The following GLS variants were observed in gnomAD, a reference collection of about 807,000 sequenced individuals.
The protein encoded by GLS is glutaminase, also known as glutaminase kidney isoform, mitochondrial.
Under a neutral mutation model 86.7 loss-of-function variants are expected in GLS, and 36 were observed. That is an observed-to-expected ratio of 0.42 (90% CI 0.32 to 0.55). The LOEUF (loss-of-function observed/expected upper bound fraction) is 0.55, where lower values mean the gene tolerates loss of function less well. Among genes scored for constraint, GLS ranks in the 20% least tolerant of loss-of-function variants. The pLI is 0.17. For missense variants in GLS, 528 were observed against 833.4 expected (o/e 0.63, Z 4.51); for synonymous variants, 317 against 305.9 (o/e 1.04, Z -0.38).
chr2:190,897,847 A>G lies in GLS; in HGVS notation c.605+2122A>G, dbSNP rs1477229080. On this transcript the variant is annotated intron_variant, in intron 3 of 17. Coordinates refer to ENST00000320717, the MANE Select transcript of GLS (RefSeq NM_014905.5). This position sits in a 1 kb window ranked among gnomAD's most constrained non-coding sequence, Gnocchi z 4.3. ...TGTGTTAATATTTTACCTAAAATAC[A>G]TTGTAGATTAATATTTTTAGACTTT... Among the ~76,000 whole-genome samples the G allele has an allele frequency of 7.2e-5, 11 of 152,222 alleles. No individual in the cohort carries two copies. Among genetic ancestry groups the G allele is most frequent in the East Asian group, 1.9e-4 (1 of 5,196 alleles).
intron 9 of GLS, among the ~76,000 whole-genome samples, chr2:190,923,029 A>G (rs1689794248): frequency 6.6e-6 from 1 of 152,172 alleles, no homozygotes; most frequent in Non-Finnish European, 1.5e-5. Context: ...AGGTTGGAAG[A>G]TTATCCAACT....
At position 190,902,112 on chromosome 2, in the gene GLS, T is replaced by C. The variant is rs1268486666; in HGVS notation, c.815+86T>C. 2.2e-5 allele frequency: 17 copies of C among 773,130 alleles called. No individual in the cohort carries two copies. The East Asian group carries it at 3.2e-4, about 15-fold the overall frequency. The allele number at this position is 773,130 out of a possible 1,614,324, so 47.9% of individuals were successfully genotyped here. On this transcript the variant is annotated intron_variant, in intron 5 of 17. Coordinates refer to ENST00000320717, the MANE Select transcript of GLS (RefSeq NM_014905.5). ...GAATGACATGGAGAAGATCATCTTTTATAATGGAAATTAGTCCTAACAGGA... is the reference window on the plus strand; with the variant it reads ...GAATGACATGGAGAAGATCATCTTTCATAATGGAAATTAGTCCTAACAGGA...
chr2:190,916,375 G>T (rs1689534771), intron 7 of GLS, among the ~76,000 whole-genome samples: 1 of 151,966 alleles, frequency 6.6e-6, no homozygotes. Flanking sequence ...TAAAGATAAT[G>T]GATTTTTTAT....
intron 6 of GLS, among the ~76,000 whole-genome samples, chr2:190,908,721 TGG>T (rs1689248342): frequency 6.6e-6 from 1 of 152,214 alleles, no homozygotes; most frequent in South Asian, 2.1e-4. Flanking sequence ...GTTAGGCTGG[TGG>T]TGTGTTACAT....
intron 17 of GLS, among the ~76,000 whole-genome samples, chr2:190,958,199 C>T (rs1389829199): frequency 6.6e-6 from 1 of 152,180 alleles, no homozygotes; most frequent in Non-Finnish European, 1.5e-5. Context: ...TCAATTTCTT[C>T]TAGATTTTCT....
At chr2:190,952,773 T>C (rs1159767233) in intron 14 of GLS, among the ~76,000 whole-genome samples, 1 of 152,228 alleles carries the variant, frequency 6.6e-6, no homozygotes, top group South Asian at 2.1e-4. Context: ...TTACAAATAT[T>C]CTATGGTCAA....
rs372464166 is a variant in GLS, at chr2:190,905,204, G to A, written c.979+37G>A. On this transcript the variant is annotated intron_variant, in intron 6 of 17. Transcript: ENST00000320717. The surrounding 1 kb of genome is among the most constrained non-coding windows in gnomAD (Gnocchi z 4.6). ...ATAAACATTGGTTGAAAAAAGAAAT[G>A]TCTCATTTTCCTATGTAAATCTAAG... 5 of 1,263,718 alleles carry A rather than the reference G, an allele frequency of 4.0e-6. No individual in the cohort carries two copies. Among genetic ancestry groups the A allele is most frequent in the South Asian group, 2.6e-5 (2 of 77,090 alleles). The allele number at this position is 1,263,718 out of a possible 1,614,324, so 78.3% of individuals were successfully genotyped here. A position where few individuals can be genotyped will look rare whatever the true frequency, so the allele number is the denominator to read the frequency against.
chr2:190,904,813 G>A lies in GLS; in HGVS notation c.816-191G>A, dbSNP rs114747357. On this transcript the variant is annotated intron_variant, in intron 5 of 17. Transcript: ENST00000320717. The stretch of plus-strand genomic sequence containing the variant: ...GGAGTTTGGTATCACAGGGATTCCT[G>A]GAATCCACCTCCCACAGATATCAAA... 1.7e-3 allele frequency among the ~76,000 whole-genome samples: 253 copies of A among 152,114 alleles called. 3 individuals are homozygous for A. The highest frequency in any genetic ancestry group is 0.014 in the South Asian group (67 of 4,824).
Position 190,895,792 on chromosome 2 carries a change from A to C in GLS, c.605+67A>C, listed in dbSNP as rs1396762816. 1 of 1,323,680 alleles carries C rather than the reference A, an allele frequency of 7.6e-7. No individual in the cohort carries two copies. 82.0% of individuals were successfully genotyped at this position (1,323,680 alleles called of 1,614,324 possible). A position where few individuals can be genotyped will look rare whatever the true frequency, so the allele number is the denominator to read the frequency against. On this transcript the variant is annotated intron_variant, in intron 3 of 17. Coordinates refer to ENST00000320717, the MANE Select transcript of GLS (RefSeq NM_014905.5). This position sits in a 1 kb window ranked among gnomAD's most constrained non-coding sequence, Gnocchi z 4.2. ...TATACGGTGATTCTGCTTTTAAAAC[A>C]AAATTGCATCTTTGAAGGCCACTGC...
intron 14 of GLS, among the ~76,000 whole-genome samples, chr2:190,952,240 A>G (rs1690735175): frequency 6.6e-6 from 1 of 152,164 alleles, no homozygotes; most frequent in Admixed American, 6.5e-5. Flanking sequence ...ATAGAAAAGG[A>G]TGGCTGGAAG....
intron 12 of GLS, among the ~76,000 whole-genome samples, chr2:190,927,886 T>C (rs563225582): frequency 6.6e-5 from 10 of 152,322 alleles, no homozygotes; most frequent in Non-Finnish European, 1.3e-4. Context: ...TGTATTAAAG[T>C]TAAAACTTAA....
At chr2:190,886,160 T>C (rs1390318032) in intron 1 of GLS, among the ~76,000 whole-genome samples, 1 of 152,148 alleles carries the variant, frequency 6.6e-6, no homozygotes, top group African/African-American at 2.4e-5. Flanking sequence ...CGTGAGCCAC[T>C]GCACCCAGCC....
chr2:190,947,444 C>T lies in GLS; in HGVS notation c.1651-6121C>T, dbSNP rs534111900. Reference sequence around the variant, plus strand: ...ATAAAGAGACTTGATAAGAAAAATGCAGTAGTGCTGGAAAATCTACAAGAT... The same window carrying T: ...ATAAAGAGACTTGATAAGAAAAATGTAGTAGTGCTGGAAAATCTACAAGAT... On this transcript the variant is annotated intron_variant, in intron 14 of 17. Coordinates refer to ENST00000320717, the MANE Select transcript of GLS (RefSeq NM_014905.5). This position sits in a 1 kb window ranked among gnomAD's most constrained non-coding sequence, Gnocchi z 5.0. Among the ~76,000 whole-genome samples the T allele has an allele frequency of 5.3e-5, 8 of 152,280 alleles. No homozygotes were observed. The highest frequency in any genetic ancestry group is 1.9e-4 in the African/African-American group (8 of 41,534).
chr2:190,942,238 C>T (rs1690459040), intron 14 of GLS, among the ~76,000 whole-genome samples: 1 of 151,598 alleles, frequency 6.6e-6, no homozygotes, highest in Non-Finnish European at 1.5e-5. Context: ...TGCCTCCACG[C>T]CTGGCTAATT....
In GLS at chr2:190,905,703, T is replaced by G. The variant is rs909767357; in HGVS notation, c.979+536T>G. On this transcript the variant is annotated intron_variant, in intron 6 of 17. Transcript: ENST00000320717. The surrounding 1 kb of genome is among the most constrained non-coding windows in gnomAD (Gnocchi z 4.6). ...GTGTTTAATGCTTGGTTAACAAATC[T>G]TTTTACAGGAATTCAAAAGAAAAGG... 3.9e-5 allele frequency among the ~76,000 whole-genome samples: 6 copies of G among 152,136 alleles called. No homozygotes were observed. Among genetic ancestry groups the G allele is most frequent in the Non-Finnish European group, 8.8e-5 (6 of 67,974 alleles).
At position 190,895,244 on chromosome 2, in the gene GLS, T is replaced by A; in HGVS notation, c.479T>A (p.Ile160Asn). The change falls in exon 2 of 18, where the codon ATT becomes AAT. Residue 160 changes from isoleucine (I) to asparagine (N), a missense_variant. Around this residue, in one of 4 missense-constraint regions of GLS, gnomAD observed 111 missense variants for 179.5 expected, o/e 0.62. Coordinates refer to ENST00000320717, the MANE Select transcript of GLS (RefSeq NM_014905.5). This position sits in a 1 kb window ranked among gnomAD's most constrained non-coding sequence, Gnocchi z 4.2. ...GAGAAAATACCTGTTCATAAATTTA[T>A]TACAGTAAGTTTTTATATTTTTCTA... ...GQEKIPVHKF[I>N]TALKSTGLRT... The A allele has an allele frequency of 8.2e-7, 1 of 1,214,562 alleles. No homozygotes were observed. Among genetic ancestry groups the A allele is most frequent in the Non-Finnish European group, 1.2e-6 (1 of 825,130 alleles). The allele number at this position is 1,214,562 out of a possible 1,614,324, so 75.2% of individuals were successfully genotyped here. A position where few individuals can be genotyped will look rare whatever the true frequency, so the allele number is the denominator to read the frequency against.
chr2:190,934,335 GAA>G (rs1464809641), intron 14 of GLS: 11 of 965,956 alleles, frequency 1.1e-5, no homozygotes, highest in Non-Finnish European at 1.1e-5. Flanking sequence ...ATTAAGAAAA[GAA>G]ATTCCCTTCT....
Position 190,956,836 on chromosome 2 carries a change from A to G in GLS, c.1853+2018A>G, listed in dbSNP as rs1251299150. Among the ~76,000 whole-genome samples the G allele has an allele frequency of 6.6e-6, 1 of 152,084 alleles. No homozygotes were observed. The highest frequency in any genetic ancestry group is 1.5e-5 in the Non-Finnish European group (1 of 68,012). On this transcript the variant is annotated intron_variant, in intron 17 of 17. Coordinates refer to ENST00000320717, the MANE Select transcript of GLS (RefSeq NM_014905.5). This position sits in a 1 kb window ranked among gnomAD's most constrained non-coding sequence, Gnocchi z 4.2. ...GTCCTTCACATCCCTTGTAAGTTGA[A>G]TTCCTAGGTATTTTATTCTCTTTGT...
At chr2:190,887,473 C>G (rs984594395) in intron 1 of GLS, among the ~76,000 whole-genome samples, 1 of 152,022 alleles carries the variant, frequency 6.6e-6, no homozygotes, top group African/African-American at 2.4e-5. Context: ...GTAGATGTTG[C>G]ATAATGAATA....
Sources: allele counts gnomAD v4.1 joint callset (sites outside exome capture counted in the v4.1 genomes callset), GRCh38; gene constraint gnomAD v4.1.1; regional missense constraint gnomAD v4.1.1; non-coding constraint Gnocchi (gnomAD v3.1); transcripts MANE v1.5; gene names NCBI Gene and HGNC (gene_info 2026-07-23, HGNC 2026-07-21).